The following KCNMA1 variants were observed in gnomAD, a reference collection of about 807,000 sequenced individuals.
The protein encoded by KCNMA1 is potassium calcium-activated channel subfamily M alpha 1.
In KCNMA1, 29 loss-of-function variants were observed where a neutral mutation model predicts 140.0. The observed-to-expected ratio is 0.21, with a 90% CI of 0.15 to 0.28. The LOEUF (loss-of-function observed/expected upper bound fraction) is 0.28. Among genes scored for constraint, KCNMA1 ranks in the 10% least tolerant of loss-of-function variants. The pLI, the probability that KCNMA1 is intolerant of heterozygous loss-of-function variation, is 1.00. For missense variants in KCNMA1, 880 were observed against 1,602.2 expected (o/e 0.55, Z 7.70); for synonymous variants, 612 against 611.9 (o/e 1.00, Z 0.00).
chr10:77,500,050 A>G (rs183820390), intron 1 of KCNMA1, among the ~76,000 whole-genome samples: 1 of 152,104 alleles, frequency 6.6e-6, no homozygotes, highest in African/African-American at 2.4e-5. Context: ...TGGTTGAACA[A>G]TAGTTTTAAA....
chr10:77,061,527 C>A (rs1411413589), intron 14 of KCNMA1, among the ~76,000 whole-genome samples: 1 of 152,166 alleles, frequency 6.6e-6, no homozygotes, highest in Non-Finnish European at 1.5e-5. Context: ...GGATGCGGAG[C>A]TACAGAAACT....
chr10:77,515,575 G>A (rs973718915), intron 1 of KCNMA1, among the ~76,000 whole-genome samples: 6 of 152,134 alleles, frequency 3.9e-5, no homozygotes, highest in African/African-American at 1.4e-4. Context: ...AGAGGGCAAG[G>A]ACCAACTGAT....
chr10:77,052,711 G>T (rs1263252022), intron 14 of KCNMA1, among the ~76,000 whole-genome samples: 1 of 152,128 alleles, frequency 6.6e-6, no homozygotes, highest in African/African-American at 2.4e-5. Flanking sequence ...AGTAGATGGG[G>T]TGATAGAGAG....
chr10:77,349,064 T>C (rs1453114770), intron 2 of KCNMA1, among the ~76,000 whole-genome samples: 1 of 152,230 alleles, frequency 6.6e-6, no homozygotes, highest in Non-Finnish European at 1.5e-5. Flanking sequence ...ATGCAATCCC[T>C]GAATTCTCCT....
intron 19 of KCNMA1, among the ~76,000 whole-genome samples, chr10:76,977,132 C>A (rs1032763131): frequency 6.6e-6 from 1 of 152,146 alleles, no homozygotes; most frequent in African/African-American, 2.4e-5. Flanking sequence ...AAAAGTTAAA[C>A]CTGACTCCTT....
chr10:77,058,166 C>A (rs189488487), intron 14 of KCNMA1, among the ~76,000 whole-genome samples: 16 of 152,004 alleles, frequency 1.1e-4, no homozygotes, highest in African/African-American at 3.4e-4. Flanking sequence ...AAGAAAATTA[C>A]AAGGATATAG....
chr10:77,354,829 A>C (rs1235294361), intron 2 of KCNMA1, among the ~76,000 whole-genome samples: 2 of 152,234 alleles, frequency 1.3e-5, no homozygotes, highest in Non-Finnish European at 2.9e-5. Flanking sequence ...TGAGCATCAA[A>C]GATTATGTCT....
At chr10:77,355,445 G>T (rs2093392467) in intron 2 of KCNMA1, among the ~76,000 whole-genome samples, 2 of 152,164 alleles carry the variant, frequency 1.3e-5, no homozygotes, top group Non-Finnish European at 2.9e-5. Flanking sequence ...TGTGACCTAA[G>T]CCAGTCCAAT....
At chr10:77,553,343 C>A (rs898812210) in intron 1 of KCNMA1, among the ~76,000 whole-genome samples, 12 of 152,186 alleles carry the variant, frequency 7.9e-5, no homozygotes, top group African/African-American at 2.9e-4. Context: ...ACTCTTCCCC[C>A]ATTGGCCAAG....
intron 1 of KCNMA1, among the ~76,000 whole-genome samples, chr10:77,570,850 G>A (rs1433214543): frequency 6.6e-6 from 1 of 151,650 alleles, no homozygotes; most frequent in Non-Finnish European, 1.5e-5. Flanking sequence ...AGGATCACTC[G>A]AGCCTGGGAG....
Position 77,477,315 on chromosome 10 carries a change from T to C in KCNMA1, c.379-73292A>G, listed in dbSNP as rs367791914. Among the ~76,000 whole-genome samples the C allele has an allele frequency of 6.0e-4, 91 of 152,346 alleles. 1 individual carries two copies. In the South Asian group the frequency reaches 0.018, roughly 30 times the overall value. On this transcript the variant is annotated intron_variant, in intron 1 of 27. Transcript: ENST00000286628. The stretch of plus-strand genomic sequence containing the variant: ...ATTTTCCCACACTTGCCAGTCTGAC[T>C]CAAGATGGCACCTAGTTCCTTGGAC...
intron 1 of KCNMA1, among the ~76,000 whole-genome samples, chr10:77,506,585 GA>G (rs2045932546): frequency 9.0e-6 from 1 of 110,734 alleles, no homozygotes; most frequent in African/African-American, 4.9e-5. Context: ...GAGAGAGAGA[GA>G]GAGAGAGAGA....
chr10:77,484,337 A>C (rs1462569740), intron 1 of KCNMA1, among the ~76,000 whole-genome samples: 1 of 152,244 alleles, frequency 6.6e-6, no homozygotes, highest in Non-Finnish European at 1.5e-5. Flanking sequence ...TACTGAAAGA[A>C]GGAAGGAGAA....
intron 18 of KCNMA1, among the ~76,000 whole-genome samples, chr10:77,001,941 T>C (rs2086616514): frequency 6.6e-6 from 1 of 152,168 alleles, no homozygotes; most frequent in African/African-American, 2.4e-5. Flanking sequence ...TCCCCTGATA[T>C]GATTAATACA....
chr10:77,150,316 A>G (rs2250840), intron 5 of KCNMA1, among the ~76,000 whole-genome samples: 60,453 of 152,102 alleles, frequency 0.4, 13,189 homozygotes, highest in East Asian at 0.88. Flanking sequence ...ATCAAATGCC[A>G]TTCTTGTAGC....
At chr10:77,245,013 A>C (rs2058235303) in intron 3 of KCNMA1, among the ~76,000 whole-genome samples, 1 of 152,088 alleles carries the variant, frequency 6.6e-6, no homozygotes, top group Non-Finnish European at 1.5e-5. Flanking sequence ...TAATTTTCCA[A>C]ACCAAAGCCT....
chr10:77,084,424 G>A (rs975436123), intron 12 of KCNMA1, among the ~76,000 whole-genome samples: 7 of 152,200 alleles, frequency 4.6e-5, no homozygotes, highest in African/African-American at 1.7e-4. Flanking sequence ...CACCTGCTGA[G>A]GGTGAGCTTC....
At chr10:77,163,283 T>G (rs1367760745) in intron 5 of KCNMA1, among the ~76,000 whole-genome samples, 1 of 152,214 alleles carries the variant, frequency 6.6e-6, no homozygotes, top group Non-Finnish European at 1.5e-5. Flanking sequence ...ACAATTTTAT[T>G]GGGACACAGC....
intron 14 of KCNMA1, among the ~76,000 whole-genome samples, chr10:77,041,094 G>T (rs1258022968): frequency 6.6e-6 from 1 of 151,640 alleles, no homozygotes; most frequent in Non-Finnish European, 1.5e-5. Flanking sequence ...AGATTCTATT[G>T]CCTCAGCCTC....
Sources: allele counts gnomAD v4.1 joint callset (sites outside exome capture counted in the v4.1 genomes callset), GRCh38; gene constraint gnomAD v4.1.1; transcripts MANE v1.5; gene names NCBI Gene and HGNC (gene_info 2026-07-23, HGNC 2026-07-21).